The following WDR27 variants were observed in gnomAD, a reference collection of about 807,000 sequenced individuals.
The protein encoded by WDR27 is WD repeat-containing protein 27.
A neutral mutation model predicts 114.4 loss-of-function variants in WDR27; 100 were observed. That is an observed-to-expected ratio of 0.87 (90% CI 0.74 to 1.03). The LOEUF (loss-of-function observed/expected upper bound fraction) is 1.03. WDR27 is among the 50% of genes least tolerant of loss of function. The probability of loss-of-function intolerance (pLI) is 0.00; values close to 1 mark genes in which losing one functional copy is unlikely to be tolerated. For synonymous variants in WDR27, 449 were observed against 423.1 expected (o/e 1.06, Z -0.75); for missense variants, 1,129 against 1,092.9 (o/e 1.03, Z -0.47).
intron 2 of WDR27, among the ~76,000 whole-genome samples, chr6:169,683,893 G>A (rs1190692419): frequency 2.0e-5 from 3 of 152,268 alleles, no homozygotes; most frequent in South Asian, 2.1e-4. Context: ...TTAGGAGCAC[G>A]AAGTGTGCAC....
At chr6:169,553,614 G>C (rs1798485172) in intron 25 of WDR27, among the ~76,000 whole-genome samples, 1 of 152,052 alleles carries the variant, frequency 6.6e-6, no homozygotes, top group Admixed American at 6.5e-5. Flanking sequence ...TAAATCTCAG[G>C]CTCCTTTCTA....
chr6:169,439,360 T>C, the WDR27 span, among the ~76,000 whole-genome samples: 4 of 152,164 alleles, frequency 2.6e-5, no homozygotes, highest in Non-Finnish European at 4.4e-5. Context: ...GCTGAACTTT[T>C]ATCACATTAT....
chr6:169,432,744 T>C, the WDR27 span, among the ~76,000 whole-genome samples: 1 of 152,178 alleles, frequency 6.6e-6, no homozygotes, highest in Non-Finnish European at 1.5e-5. Context: ...ACTAATACAG[T>C]AAACTGGTAC....
In WDR27 at chr6:169,546,587, T is replaced by A. The variant is rs189378748; in HGVS notation, c.2645+25832A>T. 2.7e-4 allele frequency among the ~76,000 whole-genome samples: 41 copies of A among 152,310 alleles called. No homozygotes were observed. The East Asian group carries it at 7.7e-3, about 29-fold the overall frequency. On this transcript the variant is annotated intron_variant, in intron 25 of 25. Transcript: ENST00000448612. ...CCCTCTTCGTGCCACTGAGCACACC[T>A]GAGGCCGTCTCTTCTCCAGTTTCCA...
At position 169,613,604 on chromosome 6, in the gene WDR27, G is replaced by A. The variant is rs200858198; in HGVS notation, c.2276C>T (p.Thr759Met). ...CAGTCTCATCCCATCGCCAATGGCCGTGGTCAGGAAAAGGTTATAAGCCTG... is the reference window on the plus strand; with the variant it reads ...CAGTCTCATCCCATCGCCAATGGCCATGGTCAGGAAAAGGTTATAAGCCTG... ...QPQAYNLFLT[T>M]AIGDGMRLWD... Residue 759 changes from threonine (T) to methionine (M), a missense_variant, in exon 22 of 26, where the codon ACG becomes ATG. Thr to Met is a moderately conservative substitution (Grantham distance 81, BLOSUM62 -1). Coordinates refer to ENST00000448612, the MANE Select transcript of WDR27 (RefSeq NM_182552.5). The A allele has an allele frequency of 6.3e-5, 101 of 1,613,870 alleles. No homozygotes were observed. Among genetic ancestry groups the A allele is most frequent in the South Asian group, 1.2e-4 (11 of 91,062 alleles).
At chr6:169,683,428 A>G (rs566714271) in intron 2 of WDR27, among the ~76,000 whole-genome samples, 1 of 152,284 alleles carries the variant, frequency 6.6e-6, no homozygotes, top group African/African-American at 2.4e-5. Flanking sequence ...AAGAAAAAAA[A>G]TGCCAATCAA....
chr6:169,462,613 A>G (rs1266173802), intron 25 of WDR27, among the ~76,000 whole-genome samples: 1 of 152,192 alleles, frequency 6.6e-6, no homozygotes, highest in Non-Finnish European at 1.5e-5. Flanking sequence ...AACTGAGGAG[A>G]AAGAAACATT....
At chr6:169,511,532 T>A (rs1007064885) in intron 25 of WDR27, among the ~76,000 whole-genome samples, 37 of 27,924 alleles carry the variant, frequency 1.3e-3, no homozygotes, top group Non-Finnish European at 3.4e-3. Context: ...AGATCTGTAT[T>A]ATAAGAAAAT....
intron 23 of WDR27, among the ~76,000 whole-genome samples, chr6:169,593,232 T>TC (rs895213802): frequency 6.6e-6 from 1 of 152,156 alleles, no homozygotes; most frequent in Non-Finnish European, 1.5e-5. Context: ...GTTGGTAAAA[T>TC]CCCCTGAGAA....
chr6:169,448,010 A>G, the WDR27 span, among the ~76,000 whole-genome samples: 1 of 152,222 alleles, frequency 6.6e-6, no homozygotes, highest in Non-Finnish European at 1.5e-5. Flanking sequence ...CTACTCTTGA[A>G]TATTTCCCTA....
At chr6:169,639,689 G>A (rs1818670587) in intron 17 of WDR27, among the ~76,000 whole-genome samples, 1 of 152,118 alleles carries the variant, frequency 6.6e-6, no homozygotes, top group Non-Finnish European at 1.5e-5. Flanking sequence ...ACACCTGTAG[G>A]AGCTTTTCTG....
At chr6:169,501,663 G>GA (rs1791258620) in intron 25 of WDR27, among the ~76,000 whole-genome samples, 1 of 152,282 alleles carries the variant, frequency 6.6e-6, no homozygotes, top group African/African-American at 2.4e-5. Context: ...CTCATTCGGT[G>GA]AATCTGTTGT....
intron 21 of WDR27, among the ~76,000 whole-genome samples, chr6:169,617,028 G>GT (rs1441557185): frequency 6.6e-6 from 1 of 152,178 alleles, no homozygotes; most frequent in Non-Finnish European, 1.5e-5. Context: ...GACACCATGT[G>GT]TAAGAGGCTA....
At chr6:169,583,706 G>A (rs1013814062) in intron 23 of WDR27, among the ~76,000 whole-genome samples, 4 of 150,036 alleles carry the variant, frequency 2.7e-5, no homozygotes, top group Non-Finnish European at 4.4e-5. Flanking sequence ...AAAGAGCAAC[G>A]TCACATTGCA....
chr6:169,502,977 T>G (rs1791534348), intron 25 of WDR27, among the ~76,000 whole-genome samples: 1 of 152,132 alleles, frequency 6.6e-6, no homozygotes, highest in South Asian at 2.1e-4. Flanking sequence ...GGCAGCTAAT[T>G]CCATGAAATG....
At chr6:169,493,995 T>A (rs778621960) in intron 25 of WDR27, among the ~76,000 whole-genome samples, 16 of 152,228 alleles carry the variant, frequency 1.1e-4, no homozygotes, top group Non-Finnish European at 1.8e-4. Flanking sequence ...TTTCTGACTC[T>A]GATACTTTCG....
rs1816779782 is a variant in WDR27, at chr6:169,632,982, G to T, written c.2188C>A (p.His730Asn). Residue 730 changes from histidine to asparagine, a missense_variant, in exon 21 of 26, where the codon CAC becomes AAC. Coordinates refer to ENST00000448612, the MANE Select transcript of WDR27 (RefSeq NM_182552.5). ...CAGATTTGATGGACAGGCCGTGAGT[G>T]GGCTTCCGCTATCACCGCTGCACTG... is the stretch of plus-strand genomic sequence containing the variant. ...GCSAAVIAEA[H>N]SRPVHQICQN... 1 of 1,595,116 alleles carries T rather than the reference G, an allele frequency of 6.3e-7. No homozygotes were observed. The highest frequency in any genetic ancestry group is 8.6e-7 in the Non-Finnish European group (1 of 1,164,994).
In WDR27 at chr6:169,519,905, A is replaced by G. The variant is rs188777825; in HGVS notation, c.2645+52514T>C. 6.2e-4 allele frequency among the ~76,000 whole-genome samples: 94 copies of G among 152,140 alleles called. 1 individual carries two copies. The highest frequency in any genetic ancestry group is 6.5e-4 in the Non-Finnish European group (44 of 67,996). ...TCTTCTTGACATGAAGTACATGGAA[A>G]ATCTCCCCCCAACTCATGGTTTCTA... is the stretch of plus-strand genomic sequence containing the variant. On this transcript the variant is annotated intron_variant, in intron 25 of 25. Transcript: ENST00000448612.
chr6:169,662,060 C>T (rs531404378), intron 9 of WDR27, among the ~76,000 whole-genome samples: 11 of 152,270 alleles, frequency 7.2e-5, no homozygotes, highest in African/African-American at 2.4e-4. Context: ...AAAGATCTGC[C>T]TAGACTTTGG....
Sources: allele counts gnomAD v4.1 joint callset (sites outside exome capture counted in the v4.1 genomes callset), GRCh38; gene constraint gnomAD v4.1.1; transcripts MANE v1.5; gene names NCBI Gene and HGNC (gene_info 2026-07-23, HGNC 2026-07-21).